STAG1: variants seen among roughly 807,000 people sequenced by gnomAD.
STAG1 encodes the protein cohesin subunit SA-1.
A neutral mutation model predicts 170.9 loss-of-function variants in STAG1; 26 were observed. The observed-to-expected ratio is 0.15, with a 90% CI of 0.11 to 0.21. The LOEUF (loss-of-function observed/expected upper bound fraction) is 0.21. Ranked by LOEUF, STAG1 falls within the 10% of genes least tolerant of loss-of-function variation. The pLI, the probability that STAG1 is intolerant of heterozygous loss-of-function variation, is 1.00. For missense variants in STAG1, 964 were observed against 1,509.5 expected, an observed-to-expected ratio of 0.64 and a Z score of 5.99; for synonymous variants, 514 against 497.7, an observed-to-expected ratio of 1.03 and a Z score of -0.44.
rs114052208 is a variant in STAG1 at position 136,460,143 on chromosome 3, C to T, written c.1313+4738G>A. ...TTAGCTGAACTAAAAAAAAGAATATCCAAATAAAATCAGAGACAGAAAAAG... is the reference window on the plus strand; with the variant it reads ...TTAGCTGAACTAAAAAAAAGAATATTCAAATAAAATCAGAGACAGAAAAAG... On this transcript the variant is annotated intron_variant, in intron 13 of 33. Coordinates refer to ENST00000383202, the MANE Select transcript of STAG1 (RefSeq NM_005862.3). Among the ~76,000 whole-genome samples the T allele has an allele frequency of 9.1e-3, 1,376 of 151,870 alleles. 24 individuals are homozygous for T. Among genetic ancestry groups the T allele is most frequent in the African/African-American group, 0.031 (1,285 of 41,438 alleles).
intron 5 of STAG1, among the ~76,000 whole-genome samples, chr3:136,556,991 G>A (rs1047434908): frequency 6.6e-6 from 1 of 152,148 alleles, no homozygotes. Context: ...CCAGCACTTT[G>A]GGAGGCTGAG....
chr3:136,601,332 C>T (rs577976665), intron 4 of STAG1, among the ~76,000 whole-genome samples: 5 of 151,704 alleles, frequency 3.3e-5, no homozygotes, highest in East Asian at 1.9e-4. Context: ...AAATTACAAA[C>T]GTTTATAAAT....
At chr3:136,600,868 T>C (rs1164068022) in intron 4 of STAG1, among the ~76,000 whole-genome samples, 1 of 720 alleles carries the variant, frequency 1.4e-3, no homozygotes, top group Non-Finnish European at 2.8e-3. Context: ...GTTTGTTTGT[T>C]TGTTTTGTTT....
intron 1 of STAG1, among the ~76,000 whole-genome samples, chr3:136,643,615 C>T (rs913383231): frequency 2.0e-5 from 3 of 152,154 alleles, no homozygotes; most frequent in African/African-American, 7.2e-5. Flanking sequence ...CTCAAGCAAT[C>T]CTCCCACTTC....
intron 1 of STAG1, among the ~76,000 whole-genome samples, chr3:136,637,055 G>A (rs552348434): frequency 2.6e-5 from 4 of 152,246 alleles, no homozygotes; most frequent in East Asian, 1.9e-4. Context: ...TGCAAACTCC[G>A]CACAATGGCC....
chr3:136,666,547 G>A (rs1353305551), intron 1 of STAG1, among the ~76,000 whole-genome samples: 2 of 152,182 alleles, frequency 1.3e-5, no homozygotes, highest in Non-Finnish European at 2.9e-5. Flanking sequence ...ACTGGGCGCG[G>A]TGGCTCACGC....
intron 21 of STAG1, among the ~76,000 whole-genome samples, chr3:136,406,422 G>C (rs2107704833): frequency 6.6e-6 from 1 of 152,250 alleles, no homozygotes; most frequent in Middle Eastern, 3.4e-3. Flanking sequence ...ACTATAAAAG[G>C]ATAGCATGAA....
At chr3:136,454,300 G>A (rs965250967) in intron 13 of STAG1, among the ~76,000 whole-genome samples, 5 of 151,682 alleles carry the variant, frequency 3.3e-5, no homozygotes, top group South Asian at 4.2e-4. Flanking sequence ...GGCTGGTCTC[G>A]AACTCCTGAC....
At chr3:136,391,358 C>T (rs2087004248) in intron 22 of STAG1, among the ~76,000 whole-genome samples, 1 of 144,406 alleles carries the variant, frequency 6.9e-6, no homozygotes, top group Non-Finnish European at 1.5e-5. Context: ...TAGGGCATTA[C>T]TTTAGCCCTC....
chr3:136,379,812 AT>A (rs1937848456), intron 22 of STAG1, among the ~76,000 whole-genome samples: 1 of 152,232 alleles, frequency 6.6e-6, no homozygotes, highest in Admixed American at 6.5e-5. Flanking sequence ...CTAAAGAAGA[AT>A]AAAACCATTT....
At chr3:136,445,525 G>A (rs2088753584) in intron 14 of STAG1, among the ~76,000 whole-genome samples, 1 of 152,148 alleles carries the variant, frequency 6.6e-6, no homozygotes, top group African/African-American at 2.4e-5. Flanking sequence ...AAAAAGTTCT[G>A]GAGATAAATG....
chr3:136,610,459 T>G (rs1939216664), intron 3 of STAG1, among the ~76,000 whole-genome samples: 2 of 152,198 alleles, frequency 1.3e-5, no homozygotes, highest in African/African-American at 4.8e-5. Flanking sequence ...CCCAATAACT[T>G]TGTTAATGTG....
intron 6 of STAG1, among the ~76,000 whole-genome samples, chr3:136,530,804 A>G (rs1390929239): frequency 1.3e-5 from 2 of 152,214 alleles, no homozygotes; most frequent in Non-Finnish European, 2.9e-5. Flanking sequence ...CACCTGCATC[A>G]AAAGAGTAAT....
intron 1 of STAG1, among the ~76,000 whole-genome samples, chr3:136,751,172 GTTTTTTTTTTT>G (rs776717703): frequency 7.3e-6 from 1 of 136,160 alleles, no homozygotes; most frequent in Non-Finnish European, 1.6e-5. Flanking sequence ...GACAAATTGC[GTTTTTTTTTTT>G]TGTTTTTTTT....
At chr3:136,465,543 G>C (rs1290235898) in intron 12 of STAG1, among the ~76,000 whole-genome samples, 1 of 98,194 alleles carries the variant, frequency 1.0e-5, no homozygotes, top group Admixed American at 1.7e-4. Flanking sequence ...GTGGGACAGA[G>C]CAAGACTCTT....
intron 7 of STAG1, among the ~76,000 whole-genome samples, chr3:136,512,946 G>C (rs974137917): frequency 1.3e-5 from 2 of 152,138 alleles, no homozygotes; most frequent in East Asian, 3.8e-4. Context: ...TTAAAAAGCA[G>C]AGAATAAGAA....
intron 4 of STAG1, chr3:136,586,760 G>T (rs137870869): frequency 2.9e-5 from 13 of 442,260 alleles, no homozygotes; most frequent in African/African-American, 1.4e-4. Flanking sequence ...CACTAACATG[G>T]GGAAGCAAGC....
intron 1 of STAG1, among the ~76,000 whole-genome samples, chr3:136,635,386 G>T (rs1940511984): frequency 6.6e-6 from 1 of 152,026 alleles, no homozygotes; most frequent in African/African-American, 2.4e-5. Flanking sequence ...CATACCAAAA[G>T]ACAAAGGAAA....
At chr3:136,517,370 C>T (rs555375320) in intron 7 of STAG1, among the ~76,000 whole-genome samples, 4 of 152,110 alleles carry the variant, frequency 2.6e-5, no homozygotes, top group African/African-American at 9.7e-5. Context: ...ATATTTATAA[C>T]ATCACAGAAA....
Sources: allele counts gnomAD v4.1 joint callset (sites outside exome capture counted in the v4.1 genomes callset), GRCh38; gene constraint gnomAD v4.1.1; transcripts MANE v1.5; gene names NCBI Gene and HGNC (gene_info 2026-07-23, HGNC 2026-07-21).